The following ARFGAP2 variants were observed in gnomAD, a reference collection of about 807,000 sequenced individuals.
The protein encoded by ARFGAP2 is ARF GTPase activating protein 2, also known as ADP-ribosylation factor GTPase-activating protein 2.
A neutral mutation model predicts 71.9 loss-of-function variants in ARFGAP2; 45 were observed. That is an observed-to-expected ratio of 0.63 (90% CI 0.49 to 0.80). ARFGAP2 has a LOEUF of 0.80. Among genes scored for constraint, ARFGAP2 ranks in the 30% least tolerant of loss-of-function variants. The pLI is 0.00. For synonymous variants in ARFGAP2, 248 were observed against 249.2 expected, an observed-to-expected ratio of 1.00 and a Z score of 0.05; for missense variants, 633 against 673.9, an observed-to-expected ratio of 0.94 and a Z score of 0.67.
At chr11:47,174,553 G>A (rs1021380931) in intron 5 of ARFGAP2, 8 of 160,776 alleles carry the variant, frequency 5.0e-5, no homozygotes, top group Admixed American at 2.9e-4. Context: ...CCGCCACCGC[G>A]CCCGGCTAAT....
intron 2 of ARFGAP2, chr11:47,176,137 G>A (rs1952808428): frequency 4.9e-6 from 3 of 606,092 alleles, no homozygotes; most frequent in African/African-American, 1.9e-5. Flanking sequence ...GATCCGAAAG[G>A]AGGTCACATT....
Position 47,176,447 on chromosome 11 carries a change from ACT to A in ARFGAP2, c.191+67_191+68del. 2.1e-6 allele frequency: 3 copies of A among 1,443,756 alleles called. No individual in the cohort carries two copies. In the South Asian group the frequency reaches 3.5e-5, roughly 17 times the overall value. 89.4% of individuals were successfully genotyped at this position (1,443,756 alleles called of 1,614,324 possible). On this transcript the variant is annotated intron_variant, in intron 2 of 15. Coordinates refer to ENST00000524782, the MANE Select transcript of ARFGAP2 (RefSeq NM_032389.6). The stretch of plus-strand genomic sequence containing the variant: ...CAGAGCGGCCCAAGTCGAGGCAGCC[ACT>A]CTCCCTTGTTGCCCAGACACCCCTG...
At chr11:47,171,368 C>G (rs995675661) in intron 10 of ARFGAP2, 58 bp downstream of exon 10, 2 of 1,602,894 alleles carry the variant, frequency 1.2e-6, no homozygotes, top group African/African-American at 2.7e-5. Flanking sequence ...AGGAAGGCCC[C>G]GCAATGGTTC....
At chr11:47,175,830 G>A (rs1565133271) in intron 3 of ARFGAP2, 21 bp downstream of exon 3, 2 of 1,614,010 alleles carry the variant, frequency 1.2e-6, no homozygotes, top group Non-Finnish European at 8.5e-7. Context: ...TGGAAGGTGA[G>A]GGAAGTAGAA....
Position 47,164,305 on chromosome 11 carries a change from C to A in ARFGAP2, c.*1177G>T. 6.5e-7 allele frequency: 1 copy of A among 1,541,140 alleles called. No individual in the cohort carries two copies. Among genetic ancestry groups the A allele is most frequent in the Non-Finnish European group, 8.7e-7 (1 of 1,143,936 alleles). ...GCAGGATCCAGAGGACACTGCTTCACTCAGACCAACAGGGAGCCAGGCCCT... is the reference window on the plus strand; with the variant it reads ...GCAGGATCCAGAGGACACTGCTTCAATCAGACCAACAGGGAGCCAGGCCCT... On this transcript the variant is annotated 3_prime_UTR_variant, in exon 16 of 16. Coordinates refer to ENST00000524782, the MANE Select transcript of ARFGAP2 (RefSeq NM_032389.6).
Position 47,176,597 on chromosome 11 carries a change from G to C in ARFGAP2, c.110C>G (p.Ala37Gly). Reference sequence around the variant, plus strand: ...CAAGAAAACACCGTACGTGATGCTGGCCCAACTCGGATTCTTGGCGCCGCA... The same window carrying C: ...CAAGAAAACACCGTACGTGATGCTGCCCCAACTCGGATTCTTGGCGCCGCA... ...FDCGAKNPSWASITYGVFLCI... is the reference protein window; with the variant it reads ...FDCGAKNPSWGSITYGVFLCI... Residue 37 changes from alanine to glycine, a missense_variant, in exon 2 of 16, where the codon GCC becomes GGC. Coordinates refer to ENST00000524782, the MANE Select transcript of ARFGAP2 (RefSeq NM_032389.6). 1 of 1,614,124 alleles carries C rather than the reference G, an allele frequency of 6.2e-7. No homozygotes were observed. The highest frequency in any genetic ancestry group is 8.5e-7 in the Non-Finnish European group (1 of 1,180,032).
In ARFGAP2 at chr11:47,166,290, T is replaced by C. The variant is rs1278468122; in HGVS notation, c.1523A>G (p.Asn508Ser). 16 of 1,614,100 alleles carry C rather than the reference T, an allele frequency of 9.9e-6. No individual in the cohort carries two copies. Among genetic ancestry groups the C allele is most frequent in the South Asian group, 2.2e-5 (2 of 91,092 alleles). ...SVAGKMAVLA[N>S]GVMNSLQDRY... ...CACCTGCAAGGAATTCATCACACCA[T>C]TGGCCAGCACAGCCATTTTCCCAGC... Residue 508 changes from asparagine to serine, a missense_variant, in exon 15 of 16, where the codon AAT becomes AGT. By Grantham distance (46) the Asn-to-Ser change is conservative (BLOSUM62 1). Transcript: ENST00000524782.
chr11:47,173,095 AC>A lies in ARFGAP2; in HGVS notation c.619+330del, dbSNP rs201909893. 1,461 of 410,764 alleles carry A rather than the reference AC, an allele frequency of 3.6e-3. 14 individuals are homozygous for A. The highest frequency in any genetic ancestry group is 0.027 in the African/African-American group (1,331 of 49,012). 25.4% of individuals were successfully genotyped at this position (410,764 alleles called of 1,614,324 possible). A position where few individuals can be genotyped will look rare whatever the true frequency, so the allele number is the denominator to read the frequency against. On this transcript the variant is annotated intron_variant, in intron 7 of 15. Coordinates refer to ENST00000524782, the MANE Select transcript of ARFGAP2 (RefSeq NM_032389.6). ...GCTGTCCCTCCACCCCCGGAAATGCACCAGACAAGCCAGCCCTGCCTCAGAG... is the reference window on the plus strand; with the variant it reads ...GCTGTCCCTCCACCCCCGGAAATGCACAGACAAGCCAGCCCTGCCTCAGAG...
chr11:47,172,162 G>A, intron 8 of ARFGAP2, 119 bp downstream of exon 8: 2 of 1,047,922 alleles, frequency 1.9e-6, no homozygotes, highest in South Asian at 1.5e-5. Flanking sequence ...GCGAGGTTCG[G>A]AGAAACACAG....
intron 8 of ARFGAP2, 124 bp downstream of exon 8, chr11:47,172,157 G>T: frequency 2.0e-6 from 2 of 994,702 alleles, no homozygotes; most frequent in Non-Finnish European, 3.1e-6. Context: ...CACAGGCGAG[G>T]TTCGGAGAAA....
rs1952758779 is a variant in ARFGAP2 at position 47,175,299 on chromosome 11, G to A, written c.279C>T (p.Arg93=). Residue 93 remains arginine, a synonymous_variant, in exon 4 of 16, where the codon CGC becomes CGT. Transcript: ENST00000524782. ...GGNANATAFF[R]QHGCTANDAN... ...CATCATTGGCTGTGCATCCATGTTG[G>A]CGAAAAAAAGCCGTCTGGAGAGCAA... 6.2e-7 allele frequency: 1 copy of A among 1,614,054 alleles called. No homozygotes were observed. The highest frequency in any genetic ancestry group is 8.5e-7 in the Non-Finnish European group (1 of 1,180,000).
intron 13 of ARFGAP2, 74 bp downstream of exon 13, chr11:47,166,686 C>T: frequency 6.3e-7 from 1 of 1,599,274 alleles, no homozygotes; most frequent in Non-Finnish European, 8.5e-7. Context: ...GTGCTAAAGC[C>T]CAAAGCAGCG....
rs893705951 is a variant in ARFGAP2 at position 47,172,063 on chromosome 11, C to T, written c.672+218G>A. The T allele has an allele frequency of 2.4e-5, 17 of 702,584 alleles. No homozygotes were observed. The East Asian group carries it at 4.5e-4, about 18-fold the overall frequency. 43.5% of individuals were successfully genotyped at this position (702,584 alleles called of 1,614,324 possible). On this transcript the variant is annotated intron_variant, in intron 8 of 15. Coordinates refer to ENST00000524782, the MANE Select transcript of ARFGAP2 (RefSeq NM_032389.6). Reference sequence around the variant, plus strand: ...AGTATGTGCCAAGCACTCCGCCAAGCACTAGATGTGCTCCATCTCACCGAC... The same window carrying T: ...AGTATGTGCCAAGCACTCCGCCAAGTACTAGATGTGCTCCATCTCACCGAC...
chr11:47,173,526 C>A, intron 6 of ARFGAP2, 44 bp from the exon 7 acceptor site: 1 of 1,521,014 alleles, frequency 6.6e-7, no homozygotes, highest in South Asian at 1.2e-5. Context: ...TCCTAGCTTC[C>A]TGCAACCTCC....
chr11:47,175,875 C>T lies in ARFGAP2; in HGVS notation c.240G>A (p.Met80Ile), dbSNP rs1223197055. The T allele has an allele frequency of 6.2e-7, 1 of 1,614,184 alleles. No homozygotes were observed. ...CCGCATTGGCATTCCCGCCGACCTG[C>T]ATACACCTCAGCTGGAACCAGTTCC... ...SNWNWFQLRC[M>I]QVGGNANATA... The change falls in exon 3 of 16, where the codon ATG becomes ATA. Residue 80 changes from methionine (M) to isoleucine (I), a missense_variant. Met to Ile is a conservative substitution (Grantham distance 10). Coordinates refer to ENST00000524782, the MANE Select transcript of ARFGAP2 (RefSeq NM_032389.6).
intron 12 of ARFGAP2, 141 bp from the exon 13 acceptor site, chr11:47,167,027 C>A (rs1952412504): frequency 3.5e-6 from 4 of 1,137,680 alleles, no homozygotes; most frequent in Non-Finnish European, 4.9e-6. Context: ...TGGCTCTGGG[C>A]CCCTCTCCCC....
Position 47,175,751 on chromosome 11 carries a change from A to G in ARFGAP2, c.264+100T>C, listed in dbSNP as rs948263935. The G allele has an allele frequency of 8.9e-6, 12 of 1,347,976 alleles. No individual in the cohort carries two copies. The African/African-American group carries it at 1.4e-4, about 16-fold the overall frequency. 83.5% of individuals were successfully genotyped at this position (1,347,976 alleles called of 1,614,324 possible). A position where few individuals can be genotyped will look rare whatever the true frequency, so the allele number is the denominator to read the frequency against. On this transcript the variant is annotated intron_variant, in intron 3 of 15. Coordinates refer to ENST00000524782, the MANE Select transcript of ARFGAP2 (RefSeq NM_032389.6). ...TTATGGTGGTGTTATAGAACAGAGA[A>G]CCCTCTGAACAGGGAAAACGACAGG...
At chr11:47,174,463 T>TC (rs1952721328) in intron 5 of ARFGAP2, 1 of 143,260 alleles carries the variant, frequency 7.0e-6, no homozygotes, top group Non-Finnish European at 1.5e-5. Flanking sequence ...TGGCGCAATC[T>TC]CGGCTCACTG....
intron 4 of ARFGAP2, 36 bp downstream of exon 4, chr11:47,175,146 A>G (rs1952749685): frequency 6.2e-7 from 1 of 1,613,994 alleles, no homozygotes; most frequent in African/African-American, 1.3e-5. Flanking sequence ...GAATACTCCT[A>G]ACCCTCCTGC....
Sources: allele counts gnomAD v4.1 joint callset, GRCh38; gene constraint gnomAD v4.1.1; transcripts MANE v1.5; gene names NCBI Gene and HGNC (gene_info 2026-07-23, HGNC 2026-07-21).